The following HMGB1 variants were observed in gnomAD, a reference collection of about 807,000 sequenced individuals.
The protein encoded by HMGB1 is high mobility group protein B1.
For synonymous variants in HMGB1, 81 were observed against 84.0 expected (o/e 0.96, Z 0.19); for missense variants, 79 against 253.5 (o/e 0.31, Z 4.67).
chr13:30,530,320 T>C (rs1888466523), intron 1 of HMGB1, among the ~76,000 whole-genome samples: 1 of 152,212 alleles, frequency 6.6e-6, no homozygotes, highest in South Asian at 2.1e-4. Flanking sequence ...TCATTATGTA[T>C]ATGCAAATAT....
intron 1 of HMGB1, among the ~76,000 whole-genome samples, chr13:30,504,441 C>G: frequency 6.6e-6 from 1 of 152,088 alleles, no homozygotes; most frequent in Non-Finnish European, 1.5e-5. Flanking sequence ...TTTTGTTTTG[C>G]TTTTTTTCCC....
chr13:30,533,410 G>C (rs1566017190), intron 1 of HMGB1, among the ~76,000 whole-genome samples: 1 of 152,166 alleles, frequency 6.6e-6, no homozygotes, highest in African/African-American at 2.4e-5. Context: ...TGTCACCCAG[G>C]CCAGAGTGCA....
At chr13:30,486,413 G>T (rs866462096) in intron 1 of HMGB1, among the ~76,000 whole-genome samples, 1 of 152,178 alleles carries the variant, frequency 6.6e-6, no homozygotes, top group Non-Finnish European at 1.5e-5. Flanking sequence ...TGCCGGCTCT[G>T]GGGGAGAGGA....
rs184377818 is a variant in HMGB1, at chr13:30,597,497, C to A, written c.-15+19174G>T. 8.5e-5 allele frequency among the ~76,000 whole-genome samples: 13 copies of A among 152,328 alleles called. No individual in the cohort carries two copies. The East Asian group carries it at 2.5e-3, about 29-fold the overall frequency. On this transcript the variant is annotated intron_variant, in intron 1 of 4. Transcript: ENST00000405805. Reference sequence around the variant, plus strand: ...CCCAATTTGTGGTACTTTGTTACAGCAGTCCTAGCAAACTAATACAAATGA... The same window carrying A: ...CCCAATTTGTGGTACTTTGTTACAGAAGTCCTAGCAAACTAATACAAATGA...
At chr13:30,550,703 T>C (rs888723187) in intron 1 of HMGB1, among the ~76,000 whole-genome samples, 1 of 152,244 alleles carries the variant, frequency 6.6e-6, no homozygotes, top group Non-Finnish European at 1.5e-5. Flanking sequence ...ATATCTGTTC[T>C]GTCATTCCTG....
In HMGB1 at chr13:30,508,292, C is replaced by T. The variant is rs150728759; in HGVS notation, c.-14-44598G>A. 3.7e-3 allele frequency among the ~76,000 whole-genome samples: 567 copies of T among 152,000 alleles called. 4 individuals are homozygous for T. The highest frequency in any genetic ancestry group is 0.013 in the African/African-American group (540 of 41,450). ...TTTGGGAGGCTGAGGCAGGCAGATC[C>T]GCTGAGGCCAGGAGTTCAAGACCAG... On this transcript the variant is annotated intron_variant, in intron 1 of 4. Transcript: ENST00000405805.
chr13:30,574,838 A>G (rs1008777891), intron 1 of HMGB1, among the ~76,000 whole-genome samples: 2 of 152,238 alleles, frequency 1.3e-5, no homozygotes, highest in African/African-American at 4.8e-5. Context: ...CATGCTAACC[A>G]GACTTTTTAA....
At chr13:30,543,049 T>A (rs891142417) in intron 1 of HMGB1, 2 of 151,578 alleles carry the variant, frequency 1.3e-5, no homozygotes, top group Non-Finnish European at 2.9e-5. Flanking sequence ...GCTATGTGGG[T>A]TTTCTCCAAA....
At chr13:30,486,911 G>A (rs922566487) in intron 1 of HMGB1, among the ~76,000 whole-genome samples, 14 of 152,316 alleles carry the variant, frequency 9.2e-5, no homozygotes, top group African/African-American at 3.4e-4. Flanking sequence ...AGTGCTGCCC[G>A]AGGGACTGCA....
rs185847742 is a variant in HMGB1 at position 30,535,170 on chromosome 13, A to G, written c.-14-71476T>C. On this transcript the variant is annotated intron_variant, in intron 1 of 4. Coordinates refer to the HMGB1 transcript ENST00000405805. ...CACTCAGCCTTTCTCTTTCTGCCCT[A>G]TCACAGAATTGTAGCCTCTGTCTTG... is the stretch of plus-strand genomic sequence containing the variant. Among the ~76,000 whole-genome samples, 5 of 152,310 alleles carry G rather than the reference A, an allele frequency of 3.3e-5. No individual in the cohort carries two copies. The East Asian group carries it at 5.8e-4, about 18-fold the overall frequency.
intron 1 of HMGB1, among the ~76,000 whole-genome samples, chr13:30,598,217 G>A (rs1003746309): frequency 2.0e-5 from 3 of 152,184 alleles, no homozygotes; most frequent in African/African-American, 7.2e-5. Context: ...CTCACAAAAT[G>A]ACTTACATCT....
intron 1 of HMGB1, among the ~76,000 whole-genome samples, chr13:30,606,585 C>A (rs1384607523): frequency 6.6e-6 from 1 of 152,138 alleles, no homozygotes; most frequent in African/African-American, 2.4e-5. Context: ...GTCAAATATG[C>A]CTACATGACT....
intron 1 of HMGB1, among the ~76,000 whole-genome samples, chr13:30,565,176 T>C (rs1047057940): frequency 6.6e-6 from 1 of 152,204 alleles, no homozygotes; most frequent in African/African-American, 2.4e-5. Flanking sequence ...CATATCAAGC[T>C]TCCATTTTTG....
At chr13:30,599,080 C>T (rs1444015283) in intron 1 of HMGB1, among the ~76,000 whole-genome samples, 1 of 152,028 alleles carries the variant, frequency 6.6e-6, no homozygotes, top group African/African-American at 2.4e-5. Context: ...CAAGTAGCAA[C>T]CAACAGTTTT....
rs1886056464 is a variant in HMGB1 at position 30,457,883 on chromosome 13, G to A, written c.*3474C>T. ...CTTGGTATTAAGAGGACAAGAAAATGAACCACCATCTTTTGCTGGATAGAC... is the reference window on the plus strand; with the variant it reads ...CTTGGTATTAAGAGGACAAGAAAATAAACCACCATCTTTTGCTGGATAGAC... On this transcript the variant is annotated 3_prime_UTR_variant, in exon 5 of 5. Coordinates refer to ENST00000341423, the MANE Select transcript of HMGB1 (RefSeq NM_002128.7). 1.5e-5 allele frequency: 1 copy of A among 67,182 alleles called. No individual in the cohort carries two copies. The highest frequency in any genetic ancestry group is 3.2e-5 in the Non-Finnish European group (1 of 31,296). 4.2% of individuals were successfully genotyped at this position (67,182 alleles called of 1,614,324 possible). A position where few individuals can be genotyped will look rare whatever the true frequency, so the allele number is the denominator to read the frequency against.
intron 1 of HMGB1, among the ~76,000 whole-genome samples, chr13:30,524,707 AATAAT>A (rs1888325223): frequency 1.1e-4 from 1 of 9,354 alleles, no homozygotes; most frequent in Non-Finnish European, 5.3e-4. Flanking sequence ...AATAAATAAT[AATAAT>A]AATAATAATA....
At chr13:30,538,684 CCTTT>C (rs1347802359) in intron 1 of HMGB1, among the ~76,000 whole-genome samples, 7 of 9,800 alleles carry the variant, frequency 7.1e-4, no homozygotes, top group African/African-American at 1.9e-3. Context: ...TTCTTTCTTT[CCTTT>C]CTTTCTTTCT....
At chr13:30,503,178 T>C (rs1321766512) in intron 1 of HMGB1, among the ~76,000 whole-genome samples, 1 of 151,088 alleles carries the variant, frequency 6.6e-6, no homozygotes, top group Non-Finnish European at 1.5e-5. Context: ...CTACTAAAAA[T>C]ACAAAAAAAA....
At chr13:30,613,167 C>A (rs1157169478) in intron 1 of HMGB1, among the ~76,000 whole-genome samples, 5 of 152,090 alleles carry the variant, frequency 3.3e-5, no homozygotes, top group Non-Finnish European at 5.9e-5. Flanking sequence ...GCAGTCTCTA[C>A]CTCCCAGGAT....
Sources: allele counts gnomAD v4.1 joint callset (sites outside exome capture counted in the v4.1 genomes callset), GRCh38; gene constraint gnomAD v4.1.1; transcripts MANE v1.5; gene names NCBI Gene and HGNC (gene_info 2026-07-23, HGNC 2026-07-21).